EFEMP1: variants seen among roughly 807,000 people sequenced by gnomAD.
EFEMP1 encodes EGF-containing fibulin-like extracellular matrix protein 1.
In EFEMP1, 18 loss-of-function variants were observed where a neutral mutation model predicts 65.7. The ratio of observed to expected loss-of-function variants is 0.27; its 90% CI spans 0.19 to 0.41. EFEMP1 has a LOEUF of 0.41. Among genes scored for constraint, EFEMP1 ranks in the 10% least tolerant of loss-of-function variants. EFEMP1 has a pLI of 1.00. For synonymous variants in EFEMP1, 237 were observed against 219.7 expected (o/e 1.08, Z -0.70); for missense variants, 469 against 624.8 (o/e 0.75, Z 2.66).
intron 5 of EFEMP1, among the ~76,000 whole-genome samples, chr2:55,888,604 T>C (rs1669518161): frequency 1.3e-5 from 2 of 152,152 alleles, no homozygotes; most frequent in South Asian, 4.1e-4. Context: ...CCCAAAGTGC[T>C]GGGATTACAG....
chr2:55,878,914 G>T (rs1447690623), intron 6 of EFEMP1, among the ~76,000 whole-genome samples: 2 of 152,162 alleles, frequency 1.3e-5, no homozygotes, highest in African/African-American at 4.8e-5. Context: ...CTAATAAGCT[G>T]CAAGATATAT....
At chr2:55,896,387 A>G (rs886426169) in intron 5 of EFEMP1, among the ~76,000 whole-genome samples, 1 of 152,252 alleles carries the variant, frequency 6.6e-6, no homozygotes, top group Non-Finnish European at 1.5e-5. Flanking sequence ...GCAAACCTCA[A>G]ACAGTAAAAA....
intron 11 of EFEMP1, among the ~76,000 whole-genome samples, chr2:55,868,548 T>C (rs902420173): frequency 5.3e-5 from 8 of 152,162 alleles, no homozygotes; most frequent in Non-Finnish European, 8.8e-5. Flanking sequence ...TTTCTCAGTA[T>C]TTTCTCAAAA....
chr2:55,897,706 C>T (rs1002576468), intron 5 of EFEMP1, among the ~76,000 whole-genome samples: 12 of 152,226 alleles, frequency 7.9e-5, no homozygotes, highest in African/African-American at 2.9e-4. Flanking sequence ...CTCACCCCTA[C>T]TCCCAAACCT....
chr2:55,909,263 A>G (rs1670393467), intron 5 of EFEMP1, among the ~76,000 whole-genome samples: 2 of 152,214 alleles, frequency 1.3e-5, no homozygotes, highest in South Asian at 4.1e-4. Flanking sequence ...TTGCCTATTC[A>G]ATAATAAGTA....
In EFEMP1 at chr2:55,919,758, G is replaced by A. The variant is rs113887367; in HGVS notation, c.82-1491C>T. On this transcript the variant is annotated intron_variant, in intron 3 of 11. Coordinates refer to ENST00000355426, the MANE Select transcript of EFEMP1 (RefSeq NM_001039348.3). The surrounding 1 kb of genome is among the most constrained non-coding windows in gnomAD (Gnocchi z 4.5). Reference sequence around the variant, plus strand: ...CTGGAGCGAGAACTAAATTCACTTTGTCTCTCAGACTAATTTTTTTCTTGT... The same window carrying A: ...CTGGAGCGAGAACTAAATTCACTTTATCTCTCAGACTAATTTTTTTCTTGT... Among the ~76,000 whole-genome samples the A allele has an allele frequency of 0.018, 2,674 of 152,252 alleles. 66 individuals are homozygous for A. Among genetic ancestry groups the A allele is most frequent in the African/African-American group, 0.058 (2,428 of 41,534 alleles).
At chr2:55,918,390 T>A in intron 3 of EFEMP1, 123 bp from the exon 4 acceptor site, 1 of 1,132,090 alleles carries the variant, frequency 8.8e-7, no homozygotes, top group Non-Finnish European at 1.3e-6. Context: ...CCTAGATATA[T>A]GATGAGATGG....
intron 11 of EFEMP1, among the ~76,000 whole-genome samples, chr2:55,868,253 C>A (rs1473812442): frequency 6.6e-6 from 1 of 151,996 alleles, no homozygotes; most frequent in African/African-American, 2.4e-5. Context: ...TTAATTTATT[C>A]ATTTAAATTT....
At chr2:55,920,439 T>C (rs989774669) in intron 3 of EFEMP1, among the ~76,000 whole-genome samples, 5 of 152,186 alleles carry the variant, frequency 3.3e-5, no homozygotes, top group African/African-American at 1.2e-4. Flanking sequence ...CTTTTAATAG[T>C]GATGAGAATT....
intron 5 of EFEMP1, among the ~76,000 whole-genome samples, chr2:55,892,015 TCA>T (rs10571174): frequency 0.1 from 15,589 of 152,142 alleles, 1,928 homozygotes; most frequent in African/African-American, 0.29. Flanking sequence ...TAAAACACTT[TCA>T]GTGTTGTGAA....
intron 9 of EFEMP1, among the ~76,000 whole-genome samples, 164 bp downstream of exon 9, chr2:55,874,782 C>T (rs1331804029): frequency 6.6e-6 from 1 of 151,872 alleles, no homozygotes; most frequent in African/African-American, 2.4e-5. Context: ...AGAATCACCT[C>T]TTTATGAGAT....
At position 55,876,742 on chromosome 2, in the gene EFEMP1, T is replaced by A; in HGVS notation, c.761A>T (p.Asp254Val). 6.3e-7 allele frequency: 1 copy of A among 1,599,772 alleles called. No homozygotes were observed. Among genetic ancestry groups the A allele is most frequent in the Non-Finnish European group, 8.5e-7 (1 of 1,172,018 alleles). ...ATTGCTGGCATCACATTCATTTATA[T>A]CTGAAAAAAAGTTTTATATATATAT... Reference protein sequence around the residue: ...QLAANNYTCVDINECDASNQC... With the variant: ...QLAANNYTCVVINECDASNQC... Residue 254 changes from aspartate to valine, a missense_variant and splice_region_variant, in exon 8 of 12, where the codon GAT becomes GTT. By Grantham distance (152) the Asp-to-Val change is radical. Transcript: ENST00000355426.
rs769522793 is a variant in EFEMP1, at chr2:55,877,725, G to T, written c.760+21C>A. The T allele has an allele frequency of 6.2e-7, 1 of 1,612,466 alleles. No individual in the cohort carries two copies. Among genetic ancestry groups the T allele is most frequent in the Admixed American group, 1.7e-5 (1 of 59,924 alleles). On this transcript the variant is annotated intron_variant, in intron 7 of 11. Coordinates refer to ENST00000355426, the MANE Select transcript of EFEMP1 (RefSeq NM_001039348.3). This position sits in a 1 kb window ranked among gnomAD's most constrained non-coding sequence, Gnocchi z 4.5. The stretch of plus-strand genomic sequence containing the variant: ...TTTCCTTTTGTGAAGACAGAAATCA[G>T]CAAGTTCTCAAAAGGCTTACCTACG...
At position 55,922,630 on chromosome 2, in the gene EFEMP1, G is replaced by C. The variant is rs927645706; in HGVS notation, c.-7-183C>G. 1.6e-6 allele frequency: 1 copy of C among 639,266 alleles called. No individual in the cohort carries two copies. Among genetic ancestry groups the C allele is most frequent in the South Asian group, 1.7e-5 (1 of 59,074 alleles). 39.6% of individuals were successfully genotyped at this position (639,266 alleles called of 1,614,324 possible). On this transcript the variant is annotated intron_variant, in intron 2 of 11. Transcript: ENST00000355426. The surrounding 1 kb of genome is among the most constrained non-coding windows in gnomAD (Gnocchi z 5.5). Reference sequence around the variant, plus strand: ...TGAACCTTCTCGGTAGCCAACGAACGAGGCAGCAAAGACGTAAAAACTGCT... The same window carrying C: ...TGAACCTTCTCGGTAGCCAACGAACCAGGCAGCAAAGACGTAAAAACTGCT...
chr2:55,898,957 A>AT (rs1482823328), intron 5 of EFEMP1, among the ~76,000 whole-genome samples: 2 of 152,216 alleles, frequency 1.3e-5, no homozygotes, highest in African/African-American at 4.8e-5. Flanking sequence ...TATGGTAACT[A>AT]TGCTAGCAAG....
chr2:55,892,798 C>G (rs1340924754), intron 5 of EFEMP1, among the ~76,000 whole-genome samples: 1 of 152,002 alleles, frequency 6.6e-6, no homozygotes, highest in African/African-American at 2.4e-5. Flanking sequence ...CAAACTAAGT[C>G]AATCTTAAAG....
intron 5 of EFEMP1, among the ~76,000 whole-genome samples, chr2:55,906,280 A>G (rs1425331708): frequency 6.9e-6 from 1 of 145,586 alleles, no homozygotes; most frequent in Non-Finnish European, 1.5e-5. Context: ...ACTAGAGTGC[A>G]GTGTGTGATC....
intron 5 of EFEMP1, among the ~76,000 whole-genome samples, chr2:55,898,070 ATTCCTT>A (rs200560967): frequency 0.026 from 4,035 of 152,286 alleles, 184 homozygotes; most frequent in African/African-American, 0.092. Context: ...CTTGCTCCAT[ATTCCTT>A]CAGTCATACA....
intron 5 of EFEMP1, among the ~76,000 whole-genome samples, chr2:55,911,589 G>C (rs7562440): frequency 0.055 from 8,363 of 152,106 alleles, 348 homozygotes; most frequent in African/African-American, 0.12. Context: ...GATTGCTGGT[G>C]CTGGCCCCAG....
Sources: allele counts gnomAD v4.1 joint callset (sites outside exome capture counted in the v4.1 genomes callset), GRCh38; gene constraint gnomAD v4.1.1; non-coding constraint Gnocchi (gnomAD v3.1); transcripts MANE v1.5; gene names NCBI Gene and HGNC (gene_info 2026-07-23, HGNC 2026-07-21).